Variants in AFF3 observed in about 807,000 individuals in gnomAD.
The protein encoded by AFF3 is ALF transcription elongation factor 3, also known as AF4/FMR2 family member 3.
In AFF3, 32 loss-of-function variants were observed where a neutral mutation model predicts 129.7. The observed-to-expected ratio is 0.25, with a 90% CI of 0.19 to 0.33. The LOEUF is 0.33. Ranked by LOEUF, AFF3 falls within the 10% of genes least tolerant of loss-of-function variation. AFF3 has a pLI of 1.00. For missense variants in AFF3, 1,373 were observed against 1,592.0 expected (o/e 0.86, Z 2.34); for synonymous variants, 644 against 635.4 (o/e 1.01, Z -0.20).
chr2:99,679,309 C>T (rs1226158209), intron 11 of AFF3, among the ~76,000 whole-genome samples: 1 of 152,120 alleles, frequency 6.6e-6, no homozygotes, highest in African/African-American at 2.4e-5. Flanking sequence ...CATGTTGAAC[C>T]TGGGGTGAAG....
intron 7 of AFF3, among the ~76,000 whole-genome samples, chr2:99,973,284 G>A (rs1259279414): frequency 2.0e-5 from 3 of 152,140 alleles, no homozygotes; most frequent in East Asian, 3.9e-4. Flanking sequence ...CATTCCACCT[G>A]CTCCCTAGCA....
intron 13 of AFF3, among the ~76,000 whole-genome samples, chr2:99,615,356 G>A (rs763164724): frequency 9.9e-5 from 15 of 152,214 alleles, no homozygotes; most frequent in Non-Finnish European, 1.5e-4. Flanking sequence ...TGCACTTCCC[G>A]CCTGTCCTGG....
At position 100,016,280 on chromosome 2, in the gene AFF3, T is replaced by C. The variant is rs528819138; in HGVS notation, c.54-7348A>G. Among the ~76,000 whole-genome samples the C allele has an allele frequency of 1.5e-3, 221 of 149,944 alleles. 2 individuals carry two copies. The East Asian group carries it at 0.042, about 29-fold the overall frequency. ...GTAGTGGTGGCGGTGGCAGTGGTAG[T>C]GGGGGTGATGATGGTGGTGGCAGCG... On this transcript the variant is annotated intron_variant, in intron 4 of 24. Transcript: ENST00000672756.
At chr2:100,019,144 T>C (rs1024743659) in intron 4 of AFF3, among the ~76,000 whole-genome samples, 1 of 152,054 alleles carries the variant, frequency 6.6e-6, no homozygotes, top group African/African-American at 2.4e-5. Flanking sequence ...ATACTTCAGG[T>C]TGGTCAGTCT....
At chr2:99,756,375 T>C (rs1178745543) in intron 8 of AFF3, among the ~76,000 whole-genome samples, 1 of 152,242 alleles carries the variant, frequency 6.6e-6, no homozygotes, top group Admixed American at 6.5e-5. Flanking sequence ...GATCCCTGCT[T>C]TCTCACAACA....
At chr2:99,686,212 C>T (rs1408203294) in intron 11 of AFF3, among the ~76,000 whole-genome samples, 1 of 152,064 alleles carries the variant, frequency 6.6e-6, no homozygotes, top group Admixed American at 6.6e-5. Flanking sequence ...GACAGGATCC[C>T]AGTCCAATGC....
At chr2:100,082,422 T>C (rs1180767454) in intron 4 of AFF3, among the ~76,000 whole-genome samples, 2 of 151,840 alleles carry the variant, frequency 1.3e-5, no homozygotes, top group Non-Finnish European at 2.9e-5. Flanking sequence ...AATGTTATCC[T>C]GATAAAGCCC....
At chr2:99,704,744 TG>T in intron 11 of AFF3, among the ~76,000 whole-genome samples, 1 of 152,184 alleles carries the variant, frequency 6.6e-6, no homozygotes, top group South Asian at 2.1e-4. Flanking sequence ...AATACTCTAT[TG>T]GCACAGGCCC....
intron 8 of AFF3, among the ~76,000 whole-genome samples, chr2:99,806,074 G>A (rs1179341669): frequency 6.6e-6 from 1 of 151,932 alleles, no homozygotes; most frequent in Non-Finnish European, 1.5e-5. Context: ...AAAAAGAGCA[G>A]AACAGTTATA....
chr2:100,130,434 C>T (rs562746652), intron 1 of AFF3, among the ~76,000 whole-genome samples: 4 of 152,246 alleles, frequency 2.6e-5, no homozygotes, highest in African/African-American at 4.8e-5. Flanking sequence ...GCACAGGGCT[C>T]GATGAGATGC....
intron 7 of AFF3, among the ~76,000 whole-genome samples, chr2:99,866,644 T>C (rs1691424271): frequency 6.6e-6 from 1 of 152,032 alleles, no homozygotes; most frequent in Non-Finnish European, 1.5e-5. Flanking sequence ...TCACGCTGGG[T>C]CATGGCTCTA....
chr2:99,628,620 G>C (rs1301429596), intron 13 of AFF3, among the ~76,000 whole-genome samples: 1 of 151,084 alleles, frequency 6.6e-6, no homozygotes, highest in Non-Finnish European at 1.5e-5. Flanking sequence ...GCACTGGCGT[G>C]ATCTTGGCTC....
intron 8 of AFF3, among the ~76,000 whole-genome samples, chr2:99,776,064 G>A (rs1329076422): frequency 6.6e-6 from 1 of 152,150 alleles, no homozygotes; most frequent in Non-Finnish European, 1.5e-5. Context: ...GGAGACATGT[G>A]AAAATGCATG....
chr2:100,137,250 A>T (rs1318813868), intron 1 of AFF3, among the ~76,000 whole-genome samples: 1 of 152,160 alleles, frequency 6.6e-6, no homozygotes, highest in East Asian at 1.9e-4. Flanking sequence ...TTTCCCAAAG[A>T]ACTTCATGAT....
In AFF3 at chr2:100,044,151, G is replaced by A. The variant is rs536789111; in HGVS notation, c.54-35219C>T. Among the ~76,000 whole-genome samples, 133 of 152,286 alleles carry A rather than the reference G, an allele frequency of 8.7e-4. 1 individual carries two copies. The South Asian group carries it at 0.01, about 12-fold the overall frequency. ...GTGTGCGGCTGTCTTGACCTCTTCT[G>A]CACCTTACCCTACTTCAGGATGGCA... On this transcript the variant is annotated intron_variant, in intron 4 of 24. Transcript: ENST00000672756.
intron 4 of AFF3, among the ~76,000 whole-genome samples, chr2:100,064,095 AAAAAGAAAAGAAAAGAAAAG>A (rs5832894): frequency 1.6e-4 from 23 of 146,966 alleles, no homozygotes; most frequent in African/African-American, 4.8e-4. Context: ...GTCTCAAAAA[AAAAAGAAAAGAAAAGAAAAG>A]AAAAGAAAAG....
At chr2:99,576,527 A>AG (rs1180351768) in intron 18 of AFF3, among the ~76,000 whole-genome samples, 1 of 151,796 alleles carries the variant, frequency 6.6e-6, no homozygotes, top group East Asian at 1.9e-4. Flanking sequence ...AAAAAAAAAA[A>AG]AAAAAAAAAG....
intron 7 of AFF3, among the ~76,000 whole-genome samples, chr2:99,952,834 G>A (rs1676289971): frequency 6.6e-6 from 1 of 152,158 alleles, no homozygotes; most frequent in African/African-American, 2.4e-5. Context: ...TGGAGGGCAG[G>A]CAGCTTGGGT....
chr2:100,079,504 C>T (rs1688870373), intron 4 of AFF3, among the ~76,000 whole-genome samples: 1 of 152,180 alleles, frequency 6.6e-6, no homozygotes, highest in Non-Finnish European at 1.5e-5. Flanking sequence ...CCTGCTGCAC[C>T]TTATTTAACC....
Sources: gnomAD v4.1 joint callset for allele counts (sites outside exome capture counted in the v4.1 genomes callset) on GRCh38, gnomAD v4.1.1 for gene constraint, MANE v1.5 for transcripts, NCBI Gene and HGNC (gene_info 2026-07-23, HGNC 2026-07-21) for gene names.